The following ATP5MK variants were observed in gnomAD, a reference collection of about 807,000 sequenced individuals.
ATP5MK encodes ATP synthase membrane subunit k, also known as ATP synthase F(0) complex subunit k, mitochondrial.
Under a neutral mutation model 6.6 loss-of-function variants are expected in ATP5MK, and 5 were observed. The ratio of observed to expected loss-of-function variants is 0.76; its 90% CI spans 0.40 to 1.60. The LOEUF (loss-of-function observed/expected upper bound fraction) is 1.60. Ranked by LOEUF, ATP5MK falls within the 40% of genes most tolerant of loss-of-function variation. The pLI, the probability that ATP5MK is intolerant of heterozygous loss-of-function variation, is 0.02. For missense variants in ATP5MK, 57 were observed against 66.6 expected, an observed-to-expected ratio of 0.86 and a Z score of 0.50; for synonymous variants, 30 against 24.5, an observed-to-expected ratio of 1.22 and a Z score of -0.66.
At chr10:103,392,158 TA>T (rs770393859) in intron 4 of ATP5MK, 32 bp downstream of exon 4, 1 of 1,558,272 alleles carries the variant, frequency 6.4e-7, no homozygotes, top group Non-Finnish European at 8.7e-7. Flanking sequence ...TCAAAATGGC[TA>T]AATTATAAAG....
Position 103,392,392 on chromosome 10 carries a change from A to C in ATP5MK, c.66T>G (p.Tyr22Ter). Reference protein sequence around the residue: ...FTGIKKYFNSYTLTGRMNCVL... With the variant: ...FTGIKKYFNS ...TTACGTTCATTCTACCTGTGAGAGT[A>C]TAAGAGTTGAAATATTTTTTAATAC... The change falls in exon 3 of 5, where the codon TAT becomes TAG. Residue 22 changes from tyrosine to a stop codon, truncating the protein, a stop_gained. Coordinates refer to ENST00000369815, the MANE Select transcript of ATP5MK (RefSeq NM_001206427.2). LOFTEE classifies it high-confidence loss of function. 1 of 1,608,034 alleles carries C rather than the reference A, an allele frequency of 6.2e-7. No homozygotes were observed. The highest frequency in any genetic ancestry group is 8.5e-7 in the Non-Finnish European group (1 of 1,177,922).
chr10:103,393,592 A>T (rs1034985971), intron 2 of ATP5MK, among the ~76,000 whole-genome samples: 10 of 151,226 alleles, frequency 6.6e-5, no homozygotes, highest in African/African-American at 2.2e-4. Flanking sequence ...AAAAAAAAAA[A>T]ATAAATAAAT....
chr10:103,390,901 G>A (rs910636576), intron 4 of ATP5MK, among the ~76,000 whole-genome samples: 2 of 152,202 alleles, frequency 1.3e-5, no homozygotes, highest in Non-Finnish European at 2.9e-5. Flanking sequence ...GTGGGCAAAT[G>A]GGGGTTGGAG....
At chr10:103,392,564 T>C in intron 2 of ATP5MK, 98 bp from the exon 3 acceptor site, 1 of 834,890 alleles carries the variant, frequency 1.2e-6, no homozygotes, top group Non-Finnish European at 1.9e-6. Context: ...TCAAGGTCAC[T>C]GCATATAAAT....
chr10:103,390,098 G>A (rs1038240914), intron 4 of ATP5MK, among the ~76,000 whole-genome samples: 3 of 152,046 alleles, frequency 2.0e-5, no homozygotes, highest in Non-Finnish European at 2.9e-5. Flanking sequence ...ATAAAAAATT[G>A]GGCAAAATAC....
At chr10:103,393,986 A>G (rs1411186265) in intron 2 of ATP5MK, among the ~76,000 whole-genome samples, 3 of 152,252 alleles carry the variant, frequency 2.0e-5, no homozygotes, top group African/African-American at 7.2e-5. Context: ...CAGCAGCATT[A>G]GCATCACTGG....
chr10:103,392,442 T>A lies in ATP5MK; in HGVS notation c.16A>T (p.Ser6Cys). Residue 6 changes from serine to cysteine, a missense_variant, in exon 3 of 5, where the codon AGT (serine) becomes TGT (cysteine). Physicochemically the swap from Ser to Cys is moderately radical, Grantham distance 112 (BLOSUM62 -1). Transcript: ENST00000369815. ...CCAGTGAACTGGTATTGCGCATCAC[T>A]TTCTGGACCTGCCATGATTTCAATC... MAGPE[S>C]DAQYQFTGIK... 6.2e-7 allele frequency: 1 copy of A among 1,601,490 alleles called. No homozygotes were observed.
intron 2 of ATP5MK, among the ~76,000 whole-genome samples, chr10:103,393,880 G>A (rs2093422016): frequency 6.6e-6 from 1 of 152,182 alleles, no homozygotes; most frequent in South Asian, 2.1e-4. Context: ...GTACTGACAT[G>A]GGAAGATGTC....
intron 2 of ATP5MK, among the ~76,000 whole-genome samples, chr10:103,395,314 T>C (rs182401087): frequency 6.6e-6 from 1 of 152,380 alleles, no homozygotes; most frequent in African/African-American, 2.4e-5. Context: ...ACTGCCCTTC[T>C]TGAGACAAGG....
At position 103,392,404 on chromosome 10, in the gene ATP5MK, A is replaced by G. The variant is rs779514672; in HGVS notation, c.54T>C (p.Tyr18=). The G allele has an allele frequency of 2.5e-6, 4 of 1,608,402 alleles. No homozygotes were observed. Among genetic ancestry groups the G allele is most frequent in the African/African-American group, 1.3e-5 (1 of 74,616 alleles). The part of the protein sequence containing the change: ...AQYQFTGIKK[Y]FNSYTLTGRM... ...TACCTGTGAGAGTATAAGAGTTGAA[A>G]TATTTTTTAATACCAGTGAACTGGT... The change falls in exon 3 of 5, where the codon TAT becomes TAC. Residue 18 remains tyrosine (Y), a synonymous_variant. Transcript: ENST00000369815.
intron 4 of ATP5MK, among the ~76,000 whole-genome samples, chr10:103,391,260 T>C (rs2093413619): frequency 6.6e-6 from 1 of 152,214 alleles, no homozygotes; most frequent in South Asian, 2.1e-4. Flanking sequence ...GAAAGCACTT[T>C]TGCCTAAGAT....
In ATP5MK at chr10:103,393,207, A is replaced by G. The variant is rs1352056722; in HGVS notation, c.-9-741T>C. On this transcript the variant is annotated intron_variant, in intron 2 of 4. Coordinates refer to ENST00000369815, the MANE Select transcript of ATP5MK (RefSeq NM_001206427.2). ...GAGATCAATATTTAATCATCAAACA[A>G]GCAAAAATAAAATTATGGTAAGTAG... Among the ~76,000 whole-genome samples, 5 of 152,226 alleles carry G rather than the reference A, an allele frequency of 3.3e-5. No homozygotes were observed. The South Asian group carries it at 1.0e-3, about 32-fold the overall frequency.
At chr10:103,394,324 G>T (rs1475394637) in intron 2 of ATP5MK, 11 of 534,040 alleles carry the variant, frequency 2.1e-5, no homozygotes, top group South Asian at 1.5e-4. Context: ...ACGCCGAGTC[G>T]ATTGGCAACA....
chr10:103,394,000 C>A (rs1167613800), intron 2 of ATP5MK, among the ~76,000 whole-genome samples: 1 of 152,198 alleles, frequency 6.6e-6, no homozygotes, highest in Non-Finnish European at 1.5e-5. Flanking sequence ...TCACTGGAAA[C>A]TTGTTAGTGC....
At chr10:103,395,138 T>G (rs2093427698) in intron 2 of ATP5MK, among the ~76,000 whole-genome samples, 1 of 151,934 alleles carries the variant, frequency 6.6e-6, no homozygotes. Flanking sequence ...TTGTTGCTGG[T>G]GAGATAATGG....
intron 4 of ATP5MK, among the ~76,000 whole-genome samples, chr10:103,390,837 G>A (rs1242059360): frequency 6.6e-6 from 1 of 152,020 alleles, no homozygotes; most frequent in Non-Finnish European, 1.5e-5. Flanking sequence ...ATGAAGATCT[G>A]GCATTTGGGC....
chr10:103,389,979 A>G (rs1592098979), intron 4 of ATP5MK, among the ~76,000 whole-genome samples: 1 of 150,824 alleles, frequency 6.6e-6, no homozygotes, highest in East Asian at 2.0e-4. Context: ...TGGTCCACCC[A>G]CCTCAGCCTC....
intron 2 of ATP5MK, among the ~76,000 whole-genome samples, chr10:103,392,787 A>G (rs1196159253): frequency 6.6e-6 from 1 of 152,204 alleles, no homozygotes; most frequent in Non-Finnish European, 1.5e-5. Flanking sequence ...CCATCACACC[A>G]CAGTCCATTG....
intron 2 of ATP5MK, chr10:103,394,148 T>TA (rs921074825): frequency 1.2e-4 from 42 of 338,648 alleles, no homozygotes; most frequent in Non-Finnish European, 1.6e-4. Flanking sequence ...GTAAGTGTAT[T>TA]AAAAAAAACT....
Sources: allele counts gnomAD v4.1 joint callset (sites outside exome capture counted in the v4.1 genomes callset), GRCh38; gene constraint gnomAD v4.1.1; transcripts MANE v1.5; gene names NCBI Gene and HGNC (gene_info 2026-07-23, HGNC 2026-07-21).